WWOX: variants seen among roughly 807,000 people sequenced by gnomAD.
WWOX encodes WW domain-containing oxidoreductase.
Under a neutral mutation model 46.2 loss-of-function variants are expected in WWOX, and 69 were observed. The observed-to-expected ratio is 1.49, with a 90% CI of 1.23 to 1.82. WWOX has a LOEUF of 1.82. WWOX is among the 40% of genes most tolerant of loss of function. The pLI, the probability that WWOX is intolerant of heterozygous loss-of-function variation, is 0.00. For synonymous variants in WWOX, 359 were observed against 202.6 expected (o/e 1.77, Z -6.56); for missense variants, 919 against 542.6 (o/e 1.69, Z -6.89).
At chr16:78,429,204 G>T (rs1407007331) in intron 7 of WWOX, among the ~76,000 whole-genome samples, 2 of 152,200 alleles carry the variant, frequency 1.3e-5, no homozygotes, top group African/African-American at 4.8e-5. Context: ...AGTCTGGTAT[G>T]GTGATGACAG....
intron 4 of WWOX, among the ~76,000 whole-genome samples, chr16:78,115,949 A>C (rs1331279906): frequency 6.6e-6 from 1 of 151,984 alleles, no homozygotes; most frequent in Non-Finnish European, 1.5e-5. Context: ...CAGCCCTCAC[A>C]CGGCCCCCTT....
At chr16:78,637,878 C>G (rs1259909727) in intron 8 of WWOX, among the ~76,000 whole-genome samples, 1 of 152,144 alleles carries the variant, frequency 6.6e-6, no homozygotes. Flanking sequence ...AGGGGGACCT[C>G]TGTAATTGGT....
At chr16:79,126,784 T>G (rs7205565) in intron 8 of WWOX, among the ~76,000 whole-genome samples, 56,326 of 151,824 alleles carry the variant, frequency 0.37, 10,717 homozygotes, top group South Asian at 0.53. Context: ...CTACATAAAT[T>G]TAGACTCCAT....
intron 5 of WWOX, among the ~76,000 whole-genome samples, chr16:78,353,391 C>G (rs751597159): frequency 2.3e-4 from 35 of 152,158 alleles, no homozygotes; most frequent in Non-Finnish European, 4.7e-4. Flanking sequence ...ACCTGTGAGC[C>G]TTCCAGGGGT....
At chr16:79,137,756 CTG>C (rs2050010915) in intron 8 of WWOX, among the ~76,000 whole-genome samples, 2 of 152,096 alleles carry the variant, frequency 1.3e-5, no homozygotes, top group Admixed American at 1.3e-4. Flanking sequence ...AGCCTGGCCT[CTG>C]TCCCCTCTGT....
intron 8 of WWOX, among the ~76,000 whole-genome samples, chr16:79,006,866 C>G (rs189565510): frequency 6.6e-6 from 1 of 152,198 alleles, no homozygotes; most frequent in South Asian, 2.1e-4. Flanking sequence ...CAGATTCCCT[C>G]TTCCGCTTTA....
Position 78,344,697 on chromosome 16 carries a change from G to C in WWOX, c.517-42163G>C, listed in dbSNP as rs768121743. Among the ~76,000 whole-genome samples the C allele has an allele frequency of 1.6e-5, 2 of 121,798 alleles. 1 individual carries two copies. Among genetic ancestry groups the C allele is most frequent in the Non-Finnish European group, 3.9e-5 (2 of 50,826 alleles). 79.9% of individuals were successfully genotyped at this position (121,798 alleles called of 152,430 possible). On this transcript the variant is annotated intron_variant, in intron 5 of 8. Coordinates refer to ENST00000566780, the MANE Select transcript of WWOX (RefSeq NM_016373.4). ...TGGTTTTTACACACATACTTCATTT[G>C]AAGGGAAGGAATTGACTGAAAAGAA...
intron 8 of WWOX, among the ~76,000 whole-genome samples, chr16:78,465,549 C>T (rs1308932961): frequency 1.3e-5 from 2 of 152,182 alleles, no homozygotes; most frequent in African/African-American, 4.8e-5. Flanking sequence ...GGGCAATGTC[C>T]CTGAATGATA....
intron 8 of WWOX, among the ~76,000 whole-genome samples, chr16:78,507,128 A>G (rs1288749844): frequency 6.6e-6 from 1 of 152,228 alleles, no homozygotes; most frequent in Non-Finnish European, 1.5e-5. Context: ...GTGTTCTTCT[A>G]TTCATTCAAC....
intron 8 of WWOX, among the ~76,000 whole-genome samples, chr16:78,916,059 A>G (rs1597146444): frequency 6.6e-6 from 1 of 152,196 alleles, no homozygotes; most frequent in African/African-American, 2.4e-5. Flanking sequence ...CTGAGTGTGC[A>G]GACACGATGC....
chr16:78,330,637 C>T (rs1048318746), intron 5 of WWOX, among the ~76,000 whole-genome samples: 4 of 152,186 alleles, frequency 2.6e-5, no homozygotes, highest in African/African-American at 7.2e-5. Context: ...CCTCGTGATC[C>T]GCCCGCCTTG....
At chr16:78,841,869 G>A (rs1261497359) in intron 8 of WWOX, among the ~76,000 whole-genome samples, 4 of 152,154 alleles carry the variant, frequency 2.6e-5, no homozygotes, top group Admixed American at 1.3e-4. Context: ...TTGGTAAGGG[G>A]TTATACAATA....
intron 8 of WWOX, among the ~76,000 whole-genome samples, chr16:78,624,562 C>T (rs982718996): frequency 1.3e-5 from 2 of 152,148 alleles, no homozygotes. Context: ...TCTGTATAAA[C>T]AGACTAATCT....
chr16:78,340,668 C>T lies in WWOX; in HGVS notation c.517-46192C>T, dbSNP rs1486348015. Among the ~76,000 whole-genome samples, 2 of 119,994 alleles carry T rather than the reference C, an allele frequency of 1.7e-5. 1 individual carries two copies. The highest frequency in any genetic ancestry group is 5.6e-5 in the African/African-American group (2 of 35,452). 78.7% of individuals were successfully genotyped at this position (119,994 alleles called of 152,430 possible). On this transcript the variant is annotated intron_variant, in intron 5 of 8. Coordinates refer to ENST00000566780, the MANE Select transcript of WWOX (RefSeq NM_016373.4). ...CTGGCTGGACTATTTTTTGGGAAAA[C>T]CACTGTGTTTGAATGTTTGCATGTG...
intron 4 of WWOX, among the ~76,000 whole-genome samples, chr16:78,144,468 C>CATATATATATATATATAT (rs1215805172): frequency 6.9e-5 from 1 of 14,474 alleles, no homozygotes; most frequent in Admixed American, 1.4e-3. Context: ...TATATACACA[C>CATATATATATATATATAT]ATATATATAT....
intron 4 of WWOX, among the ~76,000 whole-genome samples, chr16:78,159,511 A>C (rs912763225): frequency 3.9e-5 from 6 of 152,122 alleles, no homozygotes; most frequent in Non-Finnish European, 8.8e-5. Context: ...TTTTATGATG[A>C]GAACCACCTT....
chr16:78,526,525 C>A (rs72802001), intron 8 of WWOX: 11,522 of 152,270 alleles, frequency 0.076, 556 homozygotes, highest in East Asian at 0.12. Flanking sequence ...GGAACTTAAT[C>A]TCCCTTTTCC....
At chr16:78,365,312 G>C (rs905530792) in intron 5 of WWOX, among the ~76,000 whole-genome samples, 1 of 152,160 alleles carries the variant, frequency 6.6e-6, no homozygotes, top group African/African-American at 2.4e-5. Context: ...CCGTGAGCCA[G>C]CTGTTGGTTA....
intron 8 of WWOX, among the ~76,000 whole-genome samples, chr16:78,738,739 C>T (rs570524933): frequency 5.9e-5 from 9 of 152,026 alleles, no homozygotes; most frequent in Non-Finnish European, 8.8e-5. Context: ...GGTGTGAATG[C>T]GAACAGAGGC....
Sources: allele counts gnomAD v4.1 joint callset (sites outside exome capture counted in the v4.1 genomes callset), GRCh38; gene constraint gnomAD v4.1.1; transcripts MANE v1.5; gene names NCBI Gene and HGNC (gene_info 2026-07-23, HGNC 2026-07-21).